Variants in PTPN5 observed in about 807,000 individuals in gnomAD.
PTPN5 encodes protein tyrosine phosphatase non-receptor type 5.
PTPN5 carries 29 observed loss-of-function variants against 73.9 expected under a neutral mutation model. The ratio of observed to expected loss-of-function variants is 0.39; its 90% CI spans 0.29 to 0.54. The LOEUF is 0.54. PTPN5 is among the 20% of genes least tolerant of loss of function. The probability of loss-of-function intolerance (pLI) is 0.65; values close to 1 mark genes in which losing one functional copy is unlikely to be tolerated. For missense variants in PTPN5, 652 were observed against 751.4 expected, an observed-to-expected ratio of 0.87 and a Z score of 1.55; for synonymous variants, 267 against 304.7, an observed-to-expected ratio of 0.88 and a Z score of 1.29.
intron 7 of PTPN5, among the ~76,000 whole-genome samples, chr11:18,741,235 AGCCCTGGGATGAGGCT>A (rs988483906): frequency 1.2e-4 from 18 of 152,140 alleles, no homozygotes; most frequent in African/African-American, 4.3e-4. Context: ...CGGGCCCAAC[AGCCCTGGGATGAGGCT>A]GCTGGTGAGT....
rs1350007786 is a variant in PTPN5 at position 18,728,014 on chromosome 11, G to A, written c.*920C>T. 1 of 152,606 alleles carries A rather than the reference G, an allele frequency of 6.6e-6. No individual in the cohort carries two copies. The highest frequency in any genetic ancestry group is 1.5e-5 in the Non-Finnish European group (1 of 68,034). The allele number at this position is 152,606 out of a possible 1,614,324, so 9.5% of individuals were successfully genotyped here. A position where few individuals can be genotyped will look rare whatever the true frequency, so the allele number is the denominator to read the frequency against. ...AAGACACCAAATGTCTCTGTCTGCC[G>A]TGGGATAAATATTTAAAGTCAGCAA... On this transcript the variant is annotated 3_prime_UTR_variant, in exon 15 of 15. Transcript: ENST00000358540. This position sits in a 1 kb window ranked among gnomAD's most constrained non-coding sequence, Gnocchi z 4.1.
chr11:18,782,981 G>A (rs1418506721), intron 1 of PTPN5, among the ~76,000 whole-genome samples: 2 of 152,230 alleles, frequency 1.3e-5, no homozygotes, highest in African/African-American at 4.8e-5. Flanking sequence ...TCTGTACTTT[G>A]GTAAGACAGG....
intron 3 of PTPN5, chr11:18,749,346 T>A (rs377312696): frequency 4.4e-4 from 230 of 518,612 alleles, no homozygotes; most frequent in African/African-American, 3.7e-3. Flanking sequence ...AGGTTAAGTG[T>A]CTTGGCCAAG....
At chr11:18,737,764 C>A in intron 9 of PTPN5, 116 bp downstream of exon 9, 1 of 896,452 alleles carries the variant, frequency 1.1e-6, no homozygotes, top group East Asian at 2.5e-5. Flanking sequence ...GCCCTCTGTC[C>A]CACCTCCTCC....
intron 1 of PTPN5, among the ~76,000 whole-genome samples, chr11:18,777,178 AAAC>A (rs1292490088): frequency 2.6e-5 from 4 of 152,118 alleles, no homozygotes; most frequent in Non-Finnish European, 2.9e-5. Flanking sequence ...ACAAACAAAC[AAAC>A]AACACCATAA....
At chr11:18,764,736 G>A (rs1416158714) in intron 3 of PTPN5, among the ~76,000 whole-genome samples, 3 of 151,730 alleles carry the variant, frequency 2.0e-5, no homozygotes, top group South Asian at 2.1e-4. Flanking sequence ...TTTTGGAGAC[G>A]GAGTCTTACT....
chr11:18,756,417 C>G (rs1055141443), intron 3 of PTPN5, among the ~76,000 whole-genome samples: 1 of 151,618 alleles, frequency 6.6e-6, no homozygotes, highest in Non-Finnish European at 1.5e-5. Context: ...GTGCCTTAGC[C>G]TCCTGAGTAG....
chr11:18,765,878 T>A lies in PTPN5; in HGVS notation c.26A>T (p.Glu9Val), dbSNP rs879465746. 3 of 1,574,480 alleles carry A rather than the reference T, an allele frequency of 1.9e-6. No individual in the cohort carries two copies. Among genetic ancestry groups the A allele is most frequent in the Non-Finnish European group, 2.6e-6 (3 of 1,158,688 alleles). ...GTCATCAGCAGCGTGGTTCTCTCTC[T>A]CACTCCTGCAGCAGGATGGAAAAGG... Reference protein sequence around the residue: MNYEGARSERENHAADDSE... With the variant: MNYEGARSVRENHAADDSE... Residue 9 changes from glutamate (E) to valine (V), a missense_variant, in exon 3 of 15, where the codon GAG becomes GTG. By Grantham distance (121) the Glu-to-Val change is moderately radical. Transcript: ENST00000358540.
Position 18,743,054 on chromosome 11 carries a change from A to G in PTPN5, c.421T>C (p.Trp141Arg), listed in dbSNP as rs368541788. The G allele has an allele frequency of 1.8e-5, 28 of 1,551,454 alleles. No individual in the cohort carries two copies. The highest frequency in any genetic ancestry group is 1.6e-4 in the African/African-American group (12 of 73,038). Residue 141 changes from tryptophan (W) to arginine (R), a missense_variant, in exon 6 of 15, where the codon TGG (tryptophan) becomes CGG (arginine). By Grantham distance (101) the Trp-to-Arg change is moderately radical. Transcript: ENST00000358540. ...ACCAGCAGCAGACTGGGGACTCCCC[A>G]CGTCCCAGAGTCAAGCCAGGCCTGG... The part of the protein sequence containing the change: ...EPTAWLDSGT[W>R]GVPSLLLVFL...
chr11:18,788,056 G>T (rs1380644050), intron 1 of PTPN5, among the ~76,000 whole-genome samples: 1 of 152,008 alleles, frequency 6.6e-6, no homozygotes. Flanking sequence ...TGACATCCTT[G>T]GCCATTCAGC....
chr11:18,740,515 G>A lies in PTPN5; in HGVS notation c.915+88C>T, dbSNP rs540105355. 48 of 1,237,616 alleles carry A rather than the reference G, an allele frequency of 3.9e-5. No individual in the cohort carries two copies. In the South Asian group the frequency reaches 6.3e-4, roughly 16 times the overall value. 76.7% of individuals were successfully genotyped at this position (1,237,616 alleles called of 1,614,324 possible). On this transcript the variant is annotated intron_variant, in intron 8 of 14. Coordinates refer to ENST00000358540, the MANE Select transcript of PTPN5 (RefSeq NM_006906.2). ...GATACTAATCTACTGCAGATGCTGA[G>A]TTCCAGGCACCACGCTCCACCACCT...
intron 12 of PTPN5, chr11:18,730,054 C>T (rs1444327650): frequency 1.7e-5 from 10 of 587,508 alleles, no homozygotes; most frequent in South Asian, 1.4e-4. Context: ...TTTGGTCCTG[C>T]CCCAACAACT....
chr11:18,769,333 T>C (rs1235442401), intron 2 of PTPN5, among the ~76,000 whole-genome samples: 2 of 152,118 alleles, frequency 1.3e-5, no homozygotes, highest in Non-Finnish European at 2.9e-5. Flanking sequence ...CTCTGCTCAT[T>C]TGTGGGAGGG....
chr11:18,758,429 A>G (rs1380920910), intron 3 of PTPN5, among the ~76,000 whole-genome samples: 1 of 152,188 alleles, frequency 6.6e-6, no homozygotes, highest in Non-Finnish European at 1.5e-5. Context: ...GACATATAAT[A>G]AAAGCTTTCT....
chr11:18,751,501 C>T (rs1402993122), intron 3 of PTPN5, among the ~76,000 whole-genome samples: 1 of 152,112 alleles, frequency 6.6e-6, no homozygotes, highest in Non-Finnish European at 1.5e-5. Context: ...CTCTGCAACC[C>T]CTCCACCCTG....
chr11:18,757,096 A>G (rs1313647978), intron 3 of PTPN5, among the ~76,000 whole-genome samples: 1 of 152,224 alleles, frequency 6.6e-6, no homozygotes, highest in Non-Finnish European at 1.5e-5. Flanking sequence ...GGCGGAGTCC[A>G]AATTCATTCA....
intron 1 of PTPN5, among the ~76,000 whole-genome samples, chr11:18,775,898 T>A (rs1172041519): frequency 2.0e-5 from 3 of 152,158 alleles, no homozygotes; most frequent in Non-Finnish European, 4.4e-5. Context: ...GAAACAGGCC[T>A]TGGTCCATGG....
intron 9 of PTPN5, among the ~76,000 whole-genome samples, chr11:18,736,465 G>A (rs1435324731): frequency 6.6e-6 from 1 of 152,228 alleles, no homozygotes; most frequent in Non-Finnish European, 1.5e-5. Flanking sequence ...TAGGCTGGAA[G>A]CTCCTTGTGC....
Position 18,733,520 on chromosome 11 carries a change from C to T in PTPN5, c.1080+36G>A. On this transcript the variant is annotated intron_variant, in intron 10 of 14. Transcript: ENST00000358540. The surrounding 1 kb of genome is among the most constrained non-coding windows in gnomAD (Gnocchi z 4.3). ...ATGGATCCCATCGACTCAGGCCTCC[C>T]CTTGAGCAAGAGGCCGTCAGGGTGG... The T allele has an allele frequency of 6.2e-7, 1 of 1,612,620 alleles. No individual in the cohort carries two copies. Among genetic ancestry groups the T allele is most frequent in the African/African-American group, 1.3e-5 (1 of 75,022 alleles).
Sources: gnomAD v4.1 joint callset for allele counts (sites outside exome capture counted in the v4.1 genomes callset) on GRCh38, gnomAD v4.1.1 for gene constraint, Gnocchi (gnomAD v3.1) non-coding constraint, MANE v1.5 for transcripts, NCBI Gene and HGNC (gene_info 2026-07-23, HGNC 2026-07-21) for gene names.